Variants in TMEM132D observed in about 807,000 individuals in gnomAD.
The protein encoded by TMEM132D is mature OL transmembrane protein.
A neutral mutation model predicts 62.3 loss-of-function variants in TMEM132D; 21 were observed. The ratio of observed to expected loss-of-function variants is 0.34; its 90% CI spans 0.24 to 0.49. The LOEUF is 0.49. TMEM132D is among the 20% of genes least tolerant of loss of function. The probability of loss-of-function intolerance (pLI) is 0.99; values close to 1 mark genes in which losing one functional copy is unlikely to be tolerated. For missense variants in TMEM132D, 1,346 were observed against 1,402.8 expected, an observed-to-expected ratio of 0.96 and a Z score of 0.65; for synonymous variants, 621 against 575.6, an observed-to-expected ratio of 1.08 and a Z score of -1.13.
chr12:129,567,561 G>A (rs2137117246), intron 2 of TMEM132D, among the ~76,000 whole-genome samples: 1 of 152,262 alleles, frequency 6.6e-6, no homozygotes, highest in African/African-American at 2.4e-5. Context: ...TTGCTACAGA[G>A]TGGATGCAAA....
intron 2 of TMEM132D, among the ~76,000 whole-genome samples, chr12:129,654,251 C>G (rs1880009500): frequency 6.7e-6 from 1 of 149,136 alleles, no homozygotes; most frequent in African/African-American, 2.5e-5. Flanking sequence ...CTCAGTCTCT[C>G]TCTTTCTCTC....
chr12:129,637,486 T>A (rs913616262), intron 2 of TMEM132D, among the ~76,000 whole-genome samples: 25 of 152,144 alleles, frequency 1.6e-4, no homozygotes, highest in African/African-American at 6.0e-4. Context: ...TGGTCCTGTG[T>A]AGTGAGTGAA....
chr12:129,637,727 T>A (rs549843907), intron 2 of TMEM132D, among the ~76,000 whole-genome samples: 1 of 152,312 alleles, frequency 6.6e-6, no homozygotes, highest in South Asian at 2.1e-4. Flanking sequence ...GGCATCTGCT[T>A]GGCTTCTGGG....
At chr12:129,579,448 G>A (rs796975961) in intron 2 of TMEM132D, among the ~76,000 whole-genome samples, 1 of 152,204 alleles carries the variant, frequency 6.6e-6, no homozygotes, top group South Asian at 2.1e-4. Context: ...GAGGAGCAAA[G>A]AGGCCAGTGG....
intron 1 of TMEM132D, among the ~76,000 whole-genome samples, chr12:129,893,717 G>A (rs1235200202): frequency 6.6e-6 from 1 of 152,204 alleles, no homozygotes; most frequent in East Asian, 1.9e-4. Context: ...CATTGCCAAT[G>A]CAATATGGTG....
At chr12:129,563,385 G>T (rs1877289543) in intron 2 of TMEM132D, among the ~76,000 whole-genome samples, 1 of 152,148 alleles carries the variant, frequency 6.6e-6, no homozygotes, top group Non-Finnish European at 1.5e-5. Context: ...GGGTATGTGT[G>T]CACCTGTGCA....
chr12:129,504,207 T>C (rs1048613202), intron 3 of TMEM132D, among the ~76,000 whole-genome samples: 10 of 152,172 alleles, frequency 6.6e-5, no homozygotes, highest in African/African-American at 2.4e-4. Flanking sequence ...GATTCTCTTA[T>C]GTCCTTCGAG....
At chr12:129,587,246 G>A (rs1381207230) in intron 2 of TMEM132D, among the ~76,000 whole-genome samples, 1 of 152,150 alleles carries the variant, frequency 6.6e-6, no homozygotes, top group Non-Finnish European at 1.5e-5. Context: ...ACAGGGACAT[G>A]GATGGAGATA....
chr12:129,531,014 C>A, intron 3 of TMEM132D, 45 bp downstream of exon 3: 3 of 1,444,386 alleles, frequency 2.1e-6, no homozygotes, highest in South Asian at 1.4e-5. Context: ...AATCAGGCCA[C>A]ATTTGCAGCT....
chr12:129,514,285 CTTCAT>C (rs1471419943), intron 3 of TMEM132D, among the ~76,000 whole-genome samples: 1 of 152,182 alleles, frequency 6.6e-6, no homozygotes, highest in African/African-American at 2.4e-5. Context: ...ACATCTTTTT[CTTCAT>C]TTCTTCTTTT....
At chr12:129,086,664 CAT>C (rs1874631423) in intron 5 of TMEM132D, among the ~76,000 whole-genome samples, 2 of 145,618 alleles carry the variant, frequency 1.4e-5, no homozygotes, top group Admixed American at 7.0e-5. Flanking sequence ...CTATATACAA[CAT>C]ATAATATATA....
intron 5 of TMEM132D, among the ~76,000 whole-genome samples, chr12:129,177,597 A>G (rs778814083): frequency 3.3e-5 from 5 of 152,150 alleles, no homozygotes; most frequent in Non-Finnish European, 7.4e-5. Flanking sequence ...ATCTCTACAA[A>G]AAATGAAAAA....
At chr12:129,710,814 C>T (rs1565957934) in intron 1 of TMEM132D, among the ~76,000 whole-genome samples, 2 of 152,180 alleles carry the variant, frequency 1.3e-5, no homozygotes, top group Admixed American at 6.5e-5. Flanking sequence ...TTCCCTTCCG[C>T]CGCCTCCTCT....
intron 4 of TMEM132D, among the ~76,000 whole-genome samples, chr12:129,214,934 T>C (rs893815526): frequency 6.6e-6 from 1 of 152,138 alleles, no homozygotes; most frequent in Non-Finnish European, 1.5e-5. Flanking sequence ...CAGAAATACA[T>C]TTGACCCAGC....
intron 3 of TMEM132D, among the ~76,000 whole-genome samples, chr12:129,514,541 C>T (rs548912909): frequency 5.3e-4 from 80 of 152,198 alleles, no homozygotes; most frequent in Non-Finnish European, 9.8e-4. Context: ...CATCTCTGAT[C>T]ATGCTAACCT....
chr12:129,300,941 G>A (rs572022455), intron 4 of TMEM132D, among the ~76,000 whole-genome samples: 1 of 152,132 alleles, frequency 6.6e-6, no homozygotes, highest in South Asian at 2.1e-4. Flanking sequence ...ACTCCCTACT[G>A]TAGTTACCCC....
chr12:129,557,121 G>A (rs1877085259), intron 2 of TMEM132D, among the ~76,000 whole-genome samples: 1 of 152,112 alleles, frequency 6.6e-6, no homozygotes. Context: ...CCTTATCAGA[G>A]TTAAGTTTTA....
rs1555263130 is a variant in TMEM132D at position 129,530,990 on chromosome 12, G to GAAGGAAA, written c.1115+68_1115+69insTTTCCTT. ...GTGGAAATGGTTGTTAGCAATCTAG[G>GAAGGAAA]AAAAAAAAAAAAAAATCAGGCCACA... On this transcript the variant is annotated intron_variant, in intron 3 of 8. Coordinates refer to ENST00000422113, the MANE Select transcript of TMEM132D (RefSeq NM_133448.3). The GAAGGAAA allele has an allele frequency of 1.2e-5, 15 of 1,268,396 alleles. No homozygotes were observed. The African/African-American group carries it at 2.4e-4, about 20-fold the overall frequency. The allele number at this position is 1,268,396 out of a possible 1,614,324, so 78.6% of individuals were successfully genotyped here. A position where few individuals can be genotyped will look rare whatever the true frequency, so the allele number is the denominator to read the frequency against.
chr12:129,196,680 G>A (rs1878560463), intron 5 of TMEM132D, among the ~76,000 whole-genome samples: 1 of 152,054 alleles, frequency 6.6e-6, no homozygotes, highest in Admixed American at 6.6e-5. Context: ...GTCCATCTTT[G>A]ACCCATTTTC....
Sources: allele counts gnomAD v4.1 joint callset (sites outside exome capture counted in the v4.1 genomes callset), GRCh38; gene constraint gnomAD v4.1.1; transcripts MANE v1.5; gene names NCBI Gene and HGNC (gene_info 2026-07-23, HGNC 2026-07-21).